Variants in EIF2B3 observed in about 807,000 individuals in gnomAD.
EIF2B3 encodes eukaryotic translation initiation factor 2B subunit gamma.
Under a neutral mutation model 54.1 loss-of-function variants are expected in EIF2B3, and 20 were observed. The ratio of observed to expected loss-of-function variants is 0.37; its 90% confidence interval spans 0.26 to 0.54. EIF2B3 has a LOEUF of 0.54. EIF2B3 is among the 20% of genes least tolerant of loss of function. The pLI is 0.86. For synonymous variants in EIF2B3, 153 were observed against 188.1 expected (o/e 0.81, Z 1.52); for missense variants, 448 against 547.8 (o/e 0.82, Z 1.82).
At chr1:44,852,367 C>T (rs1304894747) in intron 11 of EIF2B3, among the ~76,000 whole-genome samples, 2 of 152,130 alleles carry the variant, frequency 1.3e-5, no homozygotes, top group East Asian at 1.9e-4. Flanking sequence ...TAACGTAGCA[C>T]CTCTAATATG....
chr1:44,866,835 G>A (rs1257073718), intron 10 of EIF2B3, among the ~76,000 whole-genome samples: 4 of 152,222 alleles, frequency 2.6e-5, no homozygotes, highest in African/African-American at 4.8e-5. Context: ...GATTACAGGC[G>A]TAAGCCACCA....
Position 44,897,415 on chromosome 1 carries a change from A to G in EIF2B3, c.596T>C (p.Leu199Pro). 1 of 1,613,518 alleles carries G rather than the reference A, an allele frequency of 6.2e-7. No individual in the cohort carries two copies. Among genetic ancestry groups the G allele is most frequent in the Non-Finnish European group, 8.5e-7 (1 of 1,179,824 alleles). ...KHPRIRFHTG[L>P]VDAHLYCLKK... ...CAAACAGTAGAGGTGGGCATCCACA[A>G]GACCCGTGTGGAAACGTATTCTAGG... Residue 199 changes from leucine (L) to proline (P), a missense_variant, in exon 6 of 12, where the codon CTT becomes CCT. Physicochemically the swap from Leu to Pro is moderately conservative, Grantham distance 98. Around this residue, in one of 3 missense-constraint regions of EIF2B3, gnomAD observed 350 missense variants for 414.2 expected, o/e 0.85. Transcript: ENST00000360403.
intron 3 of EIF2B3, among the ~76,000 whole-genome samples, chr1:44,957,717 C>A (rs898116983): frequency 1.3e-5 from 2 of 151,940 alleles, no homozygotes; most frequent in African/African-American, 4.8e-5. Context: ...GCTGAGATTG[C>A]GCCATTGCAT....
rs869139321 is a variant in EIF2B3 at position 44,917,755 on chromosome 1, C to CTTTTTTTTT, written c.566+8864_566+8872dup. Among the ~76,000 whole-genome samples the CTTTTTTTTT allele has an allele frequency of 6.8e-5, 3 of 44,240 alleles. 1 individual carries two copies. The highest frequency in any genetic ancestry group is 1.5e-4 in the Non-Finnish European group (3 of 20,676). 29.0% of individuals were successfully genotyped at this position (44,240 alleles called of 152,430 possible). The stretch of plus-strand genomic sequence containing the variant: ...TATTTATTTTGCCACCAATAACACT[C>CTTTTTTTTT]TTTTTTTTTTTTTTTTTTTTTTTTT... On this transcript the variant is annotated intron_variant, in intron 5 of 11. Coordinates refer to ENST00000360403, the MANE Select transcript of EIF2B3 (RefSeq NM_020365.5).
intron 5 of EIF2B3, among the ~76,000 whole-genome samples, chr1:44,917,652 A>G (rs1643650388): frequency 6.6e-6 from 1 of 151,350 alleles, no homozygotes; most frequent in South Asian, 2.1e-4. Context: ...AAAAAAACTG[A>G]ATCATCTATT....
At chr1:44,910,769 C>T (rs1278210408) in intron 5 of EIF2B3, among the ~76,000 whole-genome samples, 1 of 151,688 alleles carries the variant, frequency 6.6e-6, no homozygotes, top group Non-Finnish European at 1.5e-5. Context: ...GTGTGAGCCA[C>T]CACACCCAGC....
chr1:44,871,747 G>A (rs1448721918), intron 10 of EIF2B3, among the ~76,000 whole-genome samples: 1 of 152,124 alleles, frequency 6.6e-6, no homozygotes. Context: ...ATGTGATGGT[G>A]GTTAGTGGGA....
intron 5 of EIF2B3, among the ~76,000 whole-genome samples, chr1:44,909,752 C>G (rs1643477671): frequency 6.6e-6 from 1 of 152,158 alleles, no homozygotes; most frequent in South Asian, 2.1e-4. Context: ...CCTTCTGTAC[C>G]TGCCCCCATC....
intron 7 of EIF2B3, 143 bp from the exon 8 acceptor site, chr1:44,880,151 A>G: frequency 1.2e-6 from 1 of 857,088 alleles, no homozygotes; most frequent in Non-Finnish European, 1.9e-6. Flanking sequence ...CCCAGACTCA[A>G]GGGATCCTCC....
At chr1:44,956,075 T>A (rs1241744217) in intron 3 of EIF2B3, among the ~76,000 whole-genome samples, 1 of 152,226 alleles carries the variant, frequency 6.6e-6, no homozygotes, top group Admixed American at 6.5e-5. Flanking sequence ...GTATGTTTAC[T>A]GCGGCACTGT....
chr1:44,922,483 C>T (rs1032144591), intron 5 of EIF2B3, among the ~76,000 whole-genome samples: 3 of 148,256 alleles, frequency 2.0e-5, no homozygotes, highest in Non-Finnish European at 4.5e-5. Context: ...GCTACTTGGG[C>T]GGCTGAGGCA....
intron 8 of EIF2B3, among the ~76,000 whole-genome samples, chr1:44,877,997 G>T (rs781494910): frequency 5.9e-5 from 9 of 152,188 alleles, no homozygotes; most frequent in Admixed American, 2.0e-4. Context: ...CGAGAGCAGG[G>T]TCCCTCTTTC....
chr1:44,964,950 C>T (rs1179900135), intron 3 of EIF2B3, among the ~76,000 whole-genome samples: 1 of 152,160 alleles, frequency 6.6e-6, no homozygotes, highest in Non-Finnish European at 1.5e-5. Flanking sequence ...TTCTAAAGCA[C>T]ACAAAAACAG....
chr1:44,905,627 A>C (rs1017876743), intron 5 of EIF2B3, among the ~76,000 whole-genome samples: 16 of 152,150 alleles, frequency 1.1e-4, no homozygotes, highest in African/African-American at 3.4e-4. Context: ...TGTTATTTGG[A>C]ATTGGTTCTC....
intron 11 of EIF2B3, among the ~76,000 whole-genome samples, chr1:44,853,398 C>G (rs1654338744): frequency 6.6e-6 from 1 of 151,940 alleles, no homozygotes; most frequent in Admixed American, 6.6e-5. Context: ...TTGCCCCAGC[C>G]CAGGAGTTTG....
intron 5 of EIF2B3, among the ~76,000 whole-genome samples, chr1:44,908,078 C>T (rs2148920634): frequency 6.6e-6 from 1 of 152,212 alleles, no homozygotes; most frequent in Middle Eastern, 3.4e-3. Flanking sequence ...GCTGTTCCAG[C>T]CCTTTCTCCA....
At chr1:44,877,203 A>AC (rs1655201694) in intron 8 of EIF2B3, among the ~76,000 whole-genome samples, 4 of 145,282 alleles carry the variant, frequency 2.8e-5, no homozygotes, top group Non-Finnish European at 4.5e-5. Flanking sequence ...AAAAAAAAAA[A>AC]AAAAAAAAAA....
At chr1:44,928,737 CT>C (rs1643874249) in intron 4 of EIF2B3, among the ~76,000 whole-genome samples, 1 of 152,174 alleles carries the variant, frequency 6.6e-6, no homozygotes, top group Admixed American at 6.5e-5. Context: ...TCTTCCCCGA[CT>C]AGATTATAAA....
At chr1:44,939,101 C>CA (rs35410499) in intron 4 of EIF2B3, among the ~76,000 whole-genome samples, 1,495 of 55,362 alleles carry the variant, frequency 0.027, 26 homozygotes, top group Non-Finnish European at 0.031. Flanking sequence ...GACCCTGTCT[C>CA]AAAAAAAAAA....
Sources: allele counts gnomAD v4.1 joint callset (sites outside exome capture counted in the v4.1 genomes callset), GRCh38; gene constraint gnomAD v4.1.1; regional missense constraint gnomAD v4.1.1; transcripts MANE v1.5; gene names NCBI Gene and HGNC (gene_info 2026-07-23, HGNC 2026-07-21).